RGS6: variants seen among roughly 807,000 people sequenced by gnomAD.
The protein encoded by RGS6 is regulator of G-protein signaling 6.
A neutral mutation model predicts 78.5 loss-of-function variants in RGS6; 30 were observed. That is an observed-to-expected ratio of 0.38 (90% CI 0.29 to 0.52). RGS6 has a LOEUF of 0.52. Among genes scored for constraint, RGS6 ranks in the 20% least tolerant of loss-of-function variants. The pLI, the probability that RGS6 is intolerant of heterozygous loss-of-function variation, is 0.85. For synonymous variants in RGS6, 206 were observed against 206.0 expected (o/e 1.00, Z 0.00); for missense variants, 495 against 609.7 (o/e 0.81, Z 1.98).
At chr14:72,237,795 C>G (rs141516338) in intron 2 of RGS6, among the ~76,000 whole-genome samples, 2 of 152,110 alleles carry the variant, frequency 1.3e-5, no homozygotes, top group African/African-American at 4.8e-5. Flanking sequence ...AAGAATGAAC[C>G]CCGTACTGGT....
chr14:72,163,293 G>A (rs1178930181), intron 2 of RGS6, among the ~76,000 whole-genome samples: 2 of 152,168 alleles, frequency 1.3e-5, no homozygotes, highest in Non-Finnish European at 2.9e-5. Flanking sequence ...AACTCTAATT[G>A]TTTCCACATT....
At chr14:72,056,621 G>A (rs1051446431) in intron 2 of RGS6, among the ~76,000 whole-genome samples, 1 of 152,180 alleles carries the variant, frequency 6.6e-6, no homozygotes, top group African/African-American at 2.4e-5. Flanking sequence ...TCATGTACAA[G>A]TGGATGGAAG....
chr14:72,544,521 G>A (rs547830454), intron 17 of RGS6, among the ~76,000 whole-genome samples: 1 of 152,182 alleles, frequency 6.6e-6, no homozygotes, highest in African/African-American at 2.4e-5. Context: ...GGGAGAGGAG[G>A]ACCAGGCGTT....
chr14:71,940,332 C>A (rs2090315990), intron 1 of RGS6, among the ~76,000 whole-genome samples: 2 of 152,178 alleles, frequency 1.3e-5, no homozygotes, highest in South Asian at 4.1e-4. Context: ...CTTAAGGGGA[C>A]CCAGCCTCCC....
the RGS6 span, among the ~76,000 whole-genome samples, chr14:71,912,923 T>C: frequency 2.6e-5 from 4 of 152,090 alleles, no homozygotes; most frequent in East Asian, 7.7e-4. Flanking sequence ...ACTCCCGGGT[T>C]CATGCCATTC....
chr14:72,264,325 A>G (rs893981844), intron 2 of RGS6, among the ~76,000 whole-genome samples: 2 of 152,236 alleles, frequency 1.3e-5, no homozygotes, highest in African/African-American at 2.4e-5. Context: ...GCACTTTCCA[A>G]AGTTTAAAGT....
At chr14:72,246,927 T>C (rs1394396142) in intron 2 of RGS6, among the ~76,000 whole-genome samples, 1 of 149,676 alleles carries the variant, frequency 6.7e-6, no homozygotes, top group African/African-American at 2.5e-5. Context: ...AAAAAAATTA[T>C]TGAAGACAAT....
At position 72,454,521 on chromosome 14, in the gene RGS6, G is replaced by C. The variant is rs528875370; in HGVS notation, c.185-7G>C. On this transcript the variant is annotated splice_region_variant and splice_polypyrimidine_tract_variant and intron_variant, in intron 3 of 17. Coordinates refer to ENST00000553525, the MANE Select transcript of RGS6 (RefSeq NM_001204424.2). ...GGTCTTCAGCTGAAATTGCTTTATC[G>C]TTGCAGGTACTGACATTGTGCAGTG... 1 of 1,613,816 alleles carries C rather than the reference G, an allele frequency of 6.2e-7. No individual in the cohort carries two copies. The highest frequency in any genetic ancestry group is 8.5e-7 in the Non-Finnish European group (1 of 1,179,922).
At position 72,050,372 on chromosome 14, in the gene RGS6, ATAAAT is replaced by A. The variant is rs558252789; in HGVS notation, c.84+85500_84+85504del. Among the ~76,000 whole-genome samples the A allele has an allele frequency of 4.1e-3, 622 of 152,308 alleles. 2 individuals are homozygous for A. Among genetic ancestry groups the A allele is most frequent in the African/African-American group, 0.015 (605 of 41,574 alleles). ...TTAACCTGTATGCAAAGCATGGAAG[ATAAAT>A]TATATTTGCTGAACAAAATGGAAAT... On this transcript the variant is annotated intron_variant, in intron 2 of 17. Transcript: ENST00000553525.
chr14:72,471,133 C>G (rs1310014484), intron 8 of RGS6, among the ~76,000 whole-genome samples: 1 of 151,124 alleles, frequency 6.6e-6, no homozygotes, highest in African/African-American at 2.5e-5. Context: ...TTTCTTCTTT[C>G]AAGTCTACCA....
chr14:72,243,245 G>C (rs2153828460), intron 2 of RGS6, among the ~76,000 whole-genome samples: 1 of 152,312 alleles, frequency 6.6e-6, no homozygotes, highest in South Asian at 2.1e-4. Context: ...ATCAGAAATT[G>C]AAAATTAGAT....
chr14:71,914,990 G>A, the RGS6 span, among the ~76,000 whole-genome samples: 1 of 151,720 alleles, frequency 6.6e-6, no homozygotes, highest in East Asian at 1.9e-4. Flanking sequence ...GCTCACACTT[G>A]TAATCCCAGC....
At chr14:72,207,926 A>G (rs2043085758) in intron 2 of RGS6, among the ~76,000 whole-genome samples, 1 of 152,226 alleles carries the variant, frequency 6.6e-6, no homozygotes, top group Admixed American at 6.5e-5. Context: ...GAGGAAGTGA[A>G]TGAATATCTC....
intron 3 of RGS6, among the ~76,000 whole-genome samples, chr14:72,355,895 G>A (rs550397941): frequency 3.3e-5 from 5 of 152,306 alleles, no homozygotes; most frequent in African/African-American, 7.2e-5. Context: ...GAGGATCTGT[G>A]AGGAGGAGCC....
intron 2 of RGS6, among the ~76,000 whole-genome samples, chr14:72,351,485 G>A (rs1189361107): frequency 1.3e-5 from 2 of 152,034 alleles, no homozygotes; most frequent in African/African-American, 2.4e-5. Context: ...GACCACCTTA[G>A]TCCAGGCTAA....
intron 3 of RGS6, among the ~76,000 whole-genome samples, chr14:72,425,685 A>G (rs1041577877): frequency 1.8e-4 from 28 of 152,216 alleles, no homozygotes; most frequent in African/African-American, 6.5e-4. Flanking sequence ...TAGCACATGT[A>G]CGTACTTTCA....
chr14:72,224,437 A>G (rs2047621370), intron 2 of RGS6, among the ~76,000 whole-genome samples: 1 of 112,444 alleles, frequency 8.9e-6, no homozygotes, highest in African/African-American at 3.4e-5. Context: ...AGAAGAAGAA[A>G]AAGAAATGGT....
chr14:72,467,089 G>C (rs77409716), intron 7 of RGS6, among the ~76,000 whole-genome samples: 3,042 of 152,162 alleles, frequency 0.02, 43 homozygotes, highest in Middle Eastern at 0.044. Context: ...ATTTGACAGA[G>C]CCCAGAAACC....
At chr14:71,929,071 G>A (rs1022717527), upstream of RGS6, among the ~76,000 whole-genome samples, 3 of 152,290 alleles carry the variant, frequency 2.0e-5, no homozygotes, top group African/African-American at 7.2e-5. Flanking sequence ...AGGGTAAGTT[G>A]CAGATGTGAT....
Sources: allele counts gnomAD v4.1 joint callset (sites outside exome capture counted in the v4.1 genomes callset), GRCh38; gene constraint gnomAD v4.1.1; transcripts MANE v1.5; gene names NCBI Gene and HGNC (gene_info 2026-07-23, HGNC 2026-07-21).